MEOX1: variants seen among roughly 807,000 people sequenced by gnomAD.
MEOX1 encodes the protein mesenchyme homeobox 1.
In MEOX1, 17 loss-of-function variants were observed where a neutral mutation model predicts 23.2. The ratio of observed to expected loss-of-function variants is 0.73; its 90% CI spans 0.50 to 1.10. The LOEUF is 1.10. MEOX1 is among the 50% of genes least tolerant of loss of function. The pLI, the probability that MEOX1 is intolerant of heterozygous loss-of-function variation, is 0.00. For missense variants in MEOX1, 333 were observed against 332.2 expected, an observed-to-expected ratio of 1.00 and a Z score of -0.02; for synonymous variants, 134 against 135.1, an observed-to-expected ratio of 0.99 and a Z score of 0.06.
intron 1 of MEOX1, among the ~76,000 whole-genome samples, chr17:43,660,774 G>C (rs1973122027): frequency 6.6e-6 from 1 of 152,166 alleles, no homozygotes; most frequent in Non-Finnish European, 1.5e-5. Flanking sequence ...TCGCCAGTCT[G>C]CACCCAGAGG....
At chr17:43,648,461 T>C (rs1215364712) in intron 1 of MEOX1, among the ~76,000 whole-genome samples, 1 of 135,836 alleles carries the variant, frequency 7.4e-6, no homozygotes, top group Admixed American at 7.4e-5. Flanking sequence ...AGAAAGACTC[T>C]GTCTCAAAAA....
intron 1 of MEOX1, among the ~76,000 whole-genome samples, chr17:43,644,080 G>C (rs1972757324): frequency 1.3e-5 from 2 of 152,270 alleles, no homozygotes; most frequent in Non-Finnish European, 2.9e-5. Context: ...CTGAGAGCTT[G>C]TTACAAATGC....
At chr17:43,650,879 A>C (rs143375786) in intron 1 of MEOX1, among the ~76,000 whole-genome samples, 1 of 152,196 alleles carries the variant, frequency 6.6e-6, no homozygotes, top group Non-Finnish European at 1.5e-5. Flanking sequence ...TGACTGTCTC[A>C]CTGAGCCCTG....
At chr17:43,657,043 TTTCTTTCTTTCTTTCC>T (rs1210595155) in intron 1 of MEOX1, among the ~76,000 whole-genome samples, 130 of 139,870 alleles carry the variant, frequency 9.3e-4, no homozygotes, top group African/African-American at 3.4e-3. Flanking sequence ...TCTTTCTTTC[TTTCTTTCTTTCTTTCC>T]TTCCTTCCTT....
chr17:43,643,135 C>A (rs1972729143), intron 2 of MEOX1, among the ~76,000 whole-genome samples: 1 of 147,502 alleles, frequency 6.8e-6, no homozygotes, highest in African/African-American at 2.6e-5. Context: ...ATGGTGAAAC[C>A]CCGCCTCTAC....
At chr17:43,657,014 C>G (rs922720144) in intron 1 of MEOX1, among the ~76,000 whole-genome samples, 2 of 100,744 alleles carry the variant, frequency 2.0e-5, no homozygotes, top group Admixed American at 1.9e-4. Context: ...CTTTCTTTCT[C>G]TTTCTTTCTT....
Position 43,646,024 on chromosome 17 carries a change from G to A in MEOX1, c.470-2364C>T, listed in dbSNP as rs565427943. 1.4e-4 allele frequency among the ~76,000 whole-genome samples: 22 copies of A among 152,326 alleles called. No individual in the cohort carries two copies. In the East Asian group the frequency reaches 4.1e-3, roughly 28 times the overall value. ...CCGGGAACTCGAGAAGGCGGGGGAG[G>A]GGCCCGATAGTCCCGGTGCCCGGGT... On this transcript the variant is annotated intron_variant, in intron 1 of 2. Coordinates refer to ENST00000318579, the MANE Select transcript of MEOX1 (RefSeq NM_004527.4).
intron 1 of MEOX1, among the ~76,000 whole-genome samples, chr17:43,651,262 G>T (rs567171659): frequency 6.6e-6 from 1 of 152,124 alleles, no homozygotes; most frequent in Non-Finnish European, 1.5e-5. Flanking sequence ...GAGCTTGCAG[G>T]AAGCCTAGAT....
intron 1 of MEOX1, among the ~76,000 whole-genome samples, chr17:43,649,260 G>C (rs1007971911): frequency 6.7e-6 from 1 of 148,704 alleles, no homozygotes; most frequent in Admixed American, 6.7e-5. Flanking sequence ...CTGTGTGAAA[G>C]GGTTATCTTT....
chr17:43,644,440 G>A (rs977434262), intron 1 of MEOX1, among the ~76,000 whole-genome samples: 17 of 150,362 alleles, frequency 1.1e-4, no homozygotes, highest in African/African-American at 3.9e-4. Context: ...TGTGCCAGGT[G>A]CTGTACCTGA....
At position 43,641,876 on chromosome 17, in the gene MEOX1, T is replaced by G. The variant is rs771174401; in HGVS notation, c.*34A>C. 7.5e-6 allele frequency: 12 copies of G among 1,592,874 alleles called. No individual in the cohort carries two copies. Among genetic ancestry groups the G allele is most frequent in the Non-Finnish European group, 1.0e-5 (12 of 1,169,244 alleles). ...GGGTGGGGGTAGTTGGGTAGGGGGC[T>G]CAGTCCTTAGTCATTTTTCCTCCAT... On this transcript the variant is annotated 3_prime_UTR_variant, in exon 3 of 3. Transcript: ENST00000318579.
chr17:43,655,415 G>A (rs1972995379), intron 1 of MEOX1, among the ~76,000 whole-genome samples: 1 of 151,282 alleles, frequency 6.6e-6, no homozygotes, highest in South Asian at 2.1e-4. Context: ...AGGTTGCAGT[G>A]AGCCGAGATC....
At position 43,661,154 on chromosome 17, in the gene MEOX1, T is replaced by C; in HGVS notation, c.381A>G (p.Thr127=). 6.3e-7 allele frequency: 1 copy of C among 1,579,994 alleles called. No homozygotes were observed. The highest frequency in any genetic ancestry group is 8.6e-7 in the Non-Finnish European group (1 of 1,164,212). ...GTSSLGLVDT[T]GGPGDDYGVL... is the part of the protein sequence containing the mutation. ...CCCCGTAGTCATCGCCTGGGCCTCCTGTGGTGTCCACCAGGCCCAGGCTGC... is the reference window on the plus strand; with the variant it reads ...CCCCGTAGTCATCGCCTGGGCCTCCCGTGGTGTCCACCAGGCCCAGGCTGC... The change falls in exon 1 of 3, where the codon ACA becomes ACG. Residue 127 remains threonine (T), a synonymous_variant. Coordinates refer to ENST00000318579, the MANE Select transcript of MEOX1 (RefSeq NM_004527.4).
intron 1 of MEOX1, among the ~76,000 whole-genome samples, chr17:43,656,982 T>TTTTC (rs1334710626): frequency 6.9e-6 from 1 of 144,980 alleles, no homozygotes; most frequent in African/African-American, 2.8e-5. Context: ...CGTTTGTTCA[T>TTTTC]TTTCTTTCTT....
intron 1 of MEOX1, 101 bp from the exon 2 acceptor site, chr17:43,643,761 T>C: frequency 1.2e-6 from 1 of 831,906 alleles, no homozygotes; most frequent in Non-Finnish European, 1.8e-6. Flanking sequence ...CAGTCTCCCT[T>C]ATTTTTACAG....
intron 1 of MEOX1, among the ~76,000 whole-genome samples, chr17:43,650,707 A>T (rs756321835): frequency 4.6e-5 from 7 of 152,208 alleles, no homozygotes; most frequent in African/African-American, 7.2e-5. Context: ...GGCTTCCTGC[A>T]CTGTCACAGC....
At chr17:43,655,528 T>C (rs2154588971) in intron 1 of MEOX1, among the ~76,000 whole-genome samples, 1 of 151,590 alleles carries the variant, frequency 6.6e-6, no homozygotes, top group South Asian at 2.1e-4. Context: ...TGTTATTGTC[T>C]TCAGAAAGAA....
chr17:43,658,412 CAGG>C (rs985585285), intron 1 of MEOX1, among the ~76,000 whole-genome samples: 3 of 149,788 alleles, frequency 2.0e-5, no homozygotes, highest in African/African-American at 7.4e-5. Flanking sequence ...GAGGCTGAGA[CAGG>C]AGAATTGCTT....
intron 1 of MEOX1, among the ~76,000 whole-genome samples, chr17:43,657,013 T>TCTTTCTTC (rs1567748255): frequency 1.2e-4 from 1 of 8,194 alleles, no homozygotes; most frequent in Non-Finnish European, 2.0e-4. Context: ...TCTTTCTTTC[T>TCTTTCTTC]CTTTCTTTCT....
Sources: allele counts gnomAD v4.1 joint callset (sites outside exome capture counted in the v4.1 genomes callset), GRCh38; gene constraint gnomAD v4.1.1; transcripts MANE v1.5; gene names NCBI Gene and HGNC (gene_info 2026-07-23, HGNC 2026-07-21).